The following RGS13 variants were observed in gnomAD, a reference collection of about 807,000 sequenced individuals.
RGS13 encodes the protein regulator of G protein signaling 13, also known as regulator of G-protein signalling 13.
In RGS13, 14 loss-of-function variants were observed where a neutral mutation model predicts 19.9. The ratio of observed to expected loss-of-function variants is 0.70; its 90% confidence interval spans 0.46 to 1.10. The LOEUF (loss-of-function observed/expected upper bound fraction) is 1.10. RGS13 is among the 50% of genes least tolerant of loss of function. The probability of loss-of-function intolerance (pLI) is 0.00; values close to 1 mark genes in which losing one functional copy is unlikely to be tolerated. For synonymous variants in RGS13, 60 were observed against 56.8 expected (o/e 1.06, Z -0.25); for missense variants, 205 against 187.1 (o/e 1.10, Z -0.56).
intron 6 of RGS13, 130 bp downstream of exon 6, chr1:192,658,497 C>A: frequency 1.3e-6 from 1 of 799,414 alleles, no homozygotes; most frequent in Non-Finnish European, 1.9e-6. Flanking sequence ...TTCAGTATTG[C>A]TAACCTTATT....
Position 192,659,532 on chromosome 1 carries a change from C to A in RGS13, c.*9C>A. 1 of 1,590,796 alleles carries A rather than the reference C, an allele frequency of 6.3e-7. No homozygotes were observed. Among genetic ancestry groups the A allele is most frequent in the South Asian group, 1.1e-5 (1 of 87,120 alleles). On this transcript the variant is annotated 3_prime_UTR_variant, in exon 7 of 7. Coordinates refer to ENST00000391995, the MANE Select transcript of RGS13 (RefSeq NM_002927.5). ...CCAACAACAGTTTCTGACTACAACT[C>A]AAAAGTTTAAATAGAAAACAGTATA...
In RGS13 at chr1:192,636,278, A is replaced by G. The variant is rs1184302529; in HGVS notation, c.-155A>G. ...TCAAACGGATCATAACAAAGAGGAG[A>G]TCAAATTTAGCATGGTGGACTGCTC... On this transcript the variant is annotated 5_prime_UTR_variant, in exon 1 of 7. Transcript: ENST00000391995. 6.6e-6 allele frequency: 1 copy of G among 152,074 alleles called. No homozygotes were observed. The highest frequency in any genetic ancestry group is 1.5e-5 in the Non-Finnish European group (1 of 67,958). The allele number at this position is 152,074 out of a possible 1,614,324, so 9.4% of individuals were successfully genotyped here.
At chr1:192,653,691 G>T (rs1663384280) in intron 5 of RGS13, among the ~76,000 whole-genome samples, 2 of 152,100 alleles carry the variant, frequency 1.3e-5, no homozygotes, top group Admixed American at 1.3e-4. Context: ...GAAAGAATAA[G>T]AATGATACAA....
chr1:192,653,034 T>C (rs1454875783), intron 5 of RGS13, among the ~76,000 whole-genome samples: 1 of 152,098 alleles, frequency 6.6e-6, no homozygotes, highest in Non-Finnish European at 1.5e-5. Context: ...ATCAGATAGA[T>C]GAATCAAGGC....
intron 4 of RGS13, chr1:192,646,079 G>A (rs1663215608): frequency 6.6e-6 from 1 of 152,088 alleles, no homozygotes; most frequent in Non-Finnish European, 1.5e-5. Context: ...CAAGAGAAAA[G>A]AACAATGACT....
At chr1:192,639,405 A>G (rs576780398) in intron 3 of RGS13, among the ~76,000 whole-genome samples, 2 of 152,222 alleles carry the variant, frequency 1.3e-5, no homozygotes, top group South Asian at 4.1e-4. Context: ...TCTGTTGTAG[A>G]CCCAACTAAT....
At chr1:192,641,254 A>AAAGACAG (rs1553257010) in intron 3 of RGS13, among the ~76,000 whole-genome samples, 1 of 67,390 alleles carries the variant, frequency 1.5e-5, no homozygotes, top group African/African-American at 5.1e-5. Context: ...GAAAAGAAAG[A>AAAGACAG]AAAGAAAGAA....
chr1:192,652,607 T>C (rs956163166), intron 5 of RGS13, among the ~76,000 whole-genome samples: 2 of 152,038 alleles, frequency 1.3e-5, no homozygotes, highest in Non-Finnish European at 2.9e-5. Context: ...AGTACATTTT[T>C]TTTTTGGTAT....
At chr1:192,636,402 T>C (rs771251538) in intron 1 of RGS13, 85 bp downstream of exon 1, 3 of 152,036 alleles carry the variant, frequency 2.0e-5, no homozygotes, top group Non-Finnish European at 4.4e-5. Flanking sequence ...ATTTCAATGG[T>C]AGAACTTCTG....
rs1056142443 is a variant in RGS13, at chr1:192,636,303, C to T, written c.-130C>T. 2.6e-5 allele frequency: 4 copies of T among 151,946 alleles called. No individual in the cohort carries two copies. Among genetic ancestry groups the T allele is most frequent in the Non-Finnish European group, 5.9e-5 (4 of 67,960 alleles). The allele number at this position is 151,946 out of a possible 1,614,324, so 9.4% of individuals were successfully genotyped here. A position where few individuals can be genotyped will look rare whatever the true frequency, so the allele number is the denominator to read the frequency against. ...ATCAAATTTAGCATGGTGGACTGCT[C>T]GACAGGATATATTTGTAAGTATGAG... On this transcript the variant is annotated 5_prime_UTR_variant, in exon 1 of 7. Transcript: ENST00000391995.
chr1:192,644,128 A>G (rs1355144098), intron 3 of RGS13, among the ~76,000 whole-genome samples: 2 of 152,144 alleles, frequency 1.3e-5, no homozygotes, highest in Non-Finnish European at 2.9e-5. Flanking sequence ...CTAAGCACGT[A>G]TATTTTTATA....
Position 192,647,939 on chromosome 1 carries a change from G to C in RGS13, c.79G>C (p.Glu27Gln), listed in dbSNP as rs1266689973. 6.3e-7 allele frequency: 1 copy of C among 1,595,902 alleles called. No homozygotes were observed. The highest frequency in any genetic ancestry group is 8.5e-7 in the Non-Finnish European group (1 of 1,170,210). ...KRPPSNLTLE[E>Q]VLQWAQSFEN... Reference sequence around the variant, plus strand: ...TTCTTTTCAAAGCCTTACTTTGGAGGAAGTATTACAGTGGGCCCAGTCTTT... The same window carrying C: ...TTCTTTTCAAAGCCTTACTTTGGAGCAAGTATTACAGTGGGCCCAGTCTTT... Residue 27 changes from glutamate to glutamine, a missense_variant, in exon 5 of 7, where the codon GAA becomes CAA. Transcript: ENST00000391995.
rs373283464 is a variant in RGS13, at chr1:192,644,351, G to A, written c.17G>A (p.Cys6Tyr). The A allele has an allele frequency of 6.0e-5, 97 of 1,611,192 alleles. No homozygotes were observed. Among genetic ancestry groups the A allele is most frequent in the Non-Finnish European group, 8.1e-5 (95 of 1,178,158 alleles). MSRRNCWICKMCRDES... is the reference protein window; with the variant it reads MSRRNYWICKMCRDES... ...CTTAGAAAAATGAGCAGGCGGAATT[G>A]TTGGATTTGTAAGATGTGCAGAGAT... Residue 6 changes from cysteine to tyrosine, a missense_variant, in exon 4 of 7, where the codon TGT becomes TAT. Cys to Tyr is a radical substitution (Grantham distance 194). Coordinates refer to ENST00000391995, the MANE Select transcript of RGS13 (RefSeq NM_002927.5).
chr1:192,648,135 A>C (rs1663253886), intron 5 of RGS13, 148 bp downstream of exon 5: 1 of 467,312 alleles, frequency 2.1e-6, no homozygotes, highest in Non-Finnish European at 3.8e-6. Flanking sequence ...AAACCTGAAA[A>C]TAGTTTGTTA....
chr1:192,650,589 T>C (rs1349706479), intron 5 of RGS13, among the ~76,000 whole-genome samples: 1 of 152,038 alleles, frequency 6.6e-6, no homozygotes, highest in African/African-American at 2.4e-5. Flanking sequence ...TCTCAATAGA[T>C]GAACCGAAAT....
At chr1:192,641,201 A>C (rs1168757153) in intron 3 of RGS13, among the ~76,000 whole-genome samples, 2 of 79,962 alleles carry the variant, frequency 2.5e-5, no homozygotes, top group Non-Finnish European at 5.8e-5. Context: ...AAAAAGAAAA[A>C]AGGAAAGAAA....
chr1:192,657,020 GTGTTAA>G (rs1663455683), intron 5 of RGS13, among the ~76,000 whole-genome samples: 1 of 152,016 alleles, frequency 6.6e-6, no homozygotes, highest in Non-Finnish European at 1.5e-5. Context: ...GACCAAGATA[GTGTTAA>G]TCAAAATCCT....
chr1:192,649,676 C>T (rs912577575), intron 5 of RGS13, among the ~76,000 whole-genome samples: 1 of 152,110 alleles, frequency 6.6e-6, no homozygotes, highest in African/African-American at 2.4e-5. Flanking sequence ...AACATGCCCT[C>T]CACCAATGTG....
At chr1:192,656,662 C>A (rs575826430) in intron 5 of RGS13, among the ~76,000 whole-genome samples, 2 of 152,078 alleles carry the variant, frequency 1.3e-5, no homozygotes, top group African/African-American at 4.8e-5. Flanking sequence ...CTTGTTGAAC[C>A]GTATCCCATG....
Sources: gnomAD v4.1 joint callset for allele counts (sites outside exome capture counted in the v4.1 genomes callset) on GRCh38, gnomAD v4.1.1 for gene constraint, MANE v1.5 for transcripts, NCBI Gene and HGNC (gene_info 2026-07-23, HGNC 2026-07-21) for gene names.